Variants in DSCAML1 observed in about 807,000 individuals in gnomAD.
The protein encoded by DSCAML1 is cell adhesion molecule DSCAML1.
A neutral mutation model predicts 200.5 loss-of-function variants in DSCAML1; 38 were observed. That is an observed-to-expected ratio of 0.19 (90% CI 0.15 to 0.25). The LOEUF is 0.25. Among genes scored for constraint, DSCAML1 ranks in the 10% least tolerant of loss-of-function variants. The pLI, the probability that DSCAML1 is intolerant of heterozygous loss-of-function variation, is 1.00. For synonymous variants in DSCAML1, 1,215 were observed against 1,165.0 expected (o/e 1.04, Z -0.87); for missense variants, 2,223 against 2,858.8 (o/e 0.78, Z 5.07).
chr11:117,665,185 T>C (rs1014747176), intron 3 of DSCAML1, among the ~76,000 whole-genome samples: 6 of 152,342 alleles, frequency 3.9e-5, no homozygotes, highest in Middle Eastern at 3.4e-3. Flanking sequence ...CTTGTTCATG[T>C]GGGCCCAGTC....
rs139114102 is a variant in DSCAML1 at position 117,500,450 on chromosome 11, G to C, written c.2359+3395C>G. On this transcript the variant is annotated intron_variant, in intron 11 of 32. Transcript: ENST00000651296. ...CTGCTAGTTATCGAATGTGTATTTT[G>C]TGCCAAATACTGTATTAATTGCTGT... is the stretch of plus-strand genomic sequence containing the variant. Among the ~76,000 whole-genome samples, 667 of 152,282 alleles carry C rather than the reference G, an allele frequency of 4.4e-3. 9 individuals carry two copies. Among genetic ancestry groups the C allele is most frequent in the African/African-American group, 0.015 (640 of 41,534 alleles).
rs776150534 is a variant in DSCAML1 at position 117,482,023 on chromosome 11, G to A, written c.2499C>T (p.Arg833=). The A allele has an allele frequency of 1.1e-5, 18 of 1,614,076 alleles. No homozygotes were observed. Among genetic ancestry groups the A allele is most frequent in the South Asian group, 9.9e-5 (9 of 91,094 alleles). The part of the protein sequence containing the change: ...EKGDTVIDPD[R]VMRYAIATKD... ...TGGTGGCGATGGCATACCGCATGAC[G>A]CGGTCAGGGTCGATGACTGTGTCCC... The change falls in exon 12 of 33, where the codon CGC becomes CGT. Residue 833 remains arginine (R), a synonymous_variant. Coordinates refer to ENST00000651296, the MANE Select transcript of DSCAML1 (RefSeq NM_020693.4).
At chr11:117,560,052 G>A (rs1052354075) in intron 3 of DSCAML1, among the ~76,000 whole-genome samples, 41 of 152,230 alleles carry the variant, frequency 2.7e-4, no homozygotes, top group African/African-American at 8.4e-4. Context: ...TGGGAGGGGT[G>A]GGGGCAGGAT....
rs2048900321 is a variant in DSCAML1 at position 117,480,838 on chromosome 11, T to C, written c.2657-267A>G. ...GATTCCTGTTAGCTGACGGCATTTTTCCCCTTCCAACTTCCCCAGCTTGAC... is the reference window on the plus strand; with the variant it reads ...GATTCCTGTTAGCTGACGGCATTTTCCCCCTTCCAACTTCCCCAGCTTGAC... On this transcript the variant is annotated intron_variant, in intron 13 of 32. Coordinates refer to ENST00000651296, the MANE Select transcript of DSCAML1 (RefSeq NM_020693.4). The surrounding 1 kb of genome is among the most constrained non-coding windows in gnomAD (Gnocchi z 4.1). 6.6e-6 allele frequency among the ~76,000 whole-genome samples: 1 copy of C among 152,076 alleles called. No homozygotes were observed. Among genetic ancestry groups the C allele is most frequent in the South Asian group, 2.1e-4 (1 of 4,818 alleles).
intron 3 of DSCAML1, among the ~76,000 whole-genome samples, chr11:117,564,143 G>A (rs896593498): frequency 2.6e-5 from 4 of 152,198 alleles, no homozygotes; most frequent in Non-Finnish European, 2.9e-5. Context: ...CACTGTATCC[G>A]CAAGAGGGAA....
At chr11:117,499,057 A>C (rs1413294192) in intron 11 of DSCAML1, among the ~76,000 whole-genome samples, 2 of 152,156 alleles carry the variant, frequency 1.3e-5, no homozygotes, top group Non-Finnish European at 2.9e-5. Flanking sequence ...CTCAAAACAC[A>C]GCCAGCCTTC....
At chr11:117,570,051 C>T (rs187672294) in intron 3 of DSCAML1, among the ~76,000 whole-genome samples, 46 of 151,702 alleles carry the variant, frequency 3.0e-4, no homozygotes, top group African/African-American at 9.0e-4. Context: ...AAAGAAGGCA[C>T]GGGAGCCTTT....
chr11:117,702,209 AT>A (rs774075197), intron 3 of DSCAML1, among the ~76,000 whole-genome samples: 53 of 152,116 alleles, frequency 3.5e-4, no homozygotes, highest in Non-Finnish European at 6.8e-4. Context: ...AACGGCCCAC[AT>A]TGCTTTTAGG....
chr11:117,428,779 T>C lies in DSCAML1; in HGVS notation c.5711A>G (p.Tyr1904Cys), dbSNP rs780304542. ...NKSDYCNLPL[Y>C]AKSEAFFRKA... is the part of the protein sequence containing the mutation. ...TCGAAAGAAGGCCTCTGACTTGGCA[T>C]ACAGGGGCAGGTTGCAGTAGTCACC... is the stretch of plus-strand genomic sequence containing the variant. Residue 1904 changes from tyrosine to cysteine, a missense_variant, in exon 33 of 33, where the codon TAT (tyrosine) becomes TGT (cysteine). Around this residue, in one of 7 missense-constraint regions of DSCAML1, gnomAD observed 280 missense variants for 213.4 expected, o/e 1.31. Transcript: ENST00000651296. The C allele has an allele frequency of 1.2e-6, 2 of 1,607,812 alleles. No homozygotes were observed. The highest frequency in any genetic ancestry group is 1.1e-5 in the South Asian group (1 of 89,584).
At chr11:117,696,264 C>A (rs968691566) in intron 3 of DSCAML1, among the ~76,000 whole-genome samples, 1 of 152,146 alleles carries the variant, frequency 6.6e-6, no homozygotes, top group Admixed American at 6.5e-5. Flanking sequence ...GAGCTGGTTC[C>A]CCCCTGGGGG....
At chr11:117,732,704 T>A (rs551582036) in intron 3 of DSCAML1, among the ~76,000 whole-genome samples, 152 of 152,314 alleles carry the variant, frequency 1.0e-3, no homozygotes, top group Non-Finnish European at 1.9e-3. Context: ...GGCCTGCTCT[T>A]ACCTCTCTCC....
At chr11:117,491,797 C>A (rs557609415) in intron 11 of DSCAML1, among the ~76,000 whole-genome samples, 2 of 152,026 alleles carry the variant, frequency 1.3e-5, no homozygotes, top group Non-Finnish European at 2.9e-5. Context: ...AACAAAAAAC[C>A]CCATGAATAT....
intron 3 of DSCAML1, among the ~76,000 whole-genome samples, chr11:117,662,524 C>T (rs1480208606): frequency 6.6e-6 from 1 of 152,202 alleles, no homozygotes; most frequent in Non-Finnish European, 1.5e-5. Context: ...AGAAAAGGCT[C>T]TCTCATGGGT....
chr11:117,515,835 G>A (rs879307976), intron 8 of DSCAML1, among the ~76,000 whole-genome samples: 4 of 151,910 alleles, frequency 2.6e-5, no homozygotes, highest in African/African-American at 7.3e-5. Context: ...GGGCCAGGCT[G>A]GTCTCAAACT....
chr11:117,480,520 A>T lies in DSCAML1; in HGVS notation c.2708T>A (p.Met903Lys). The change falls in exon 14 of 33, where the codon ATG (methionine) becomes AAG (lysine). Residue 903 changes from methionine (M) to lysine (K), a missense_variant. This residue lies in a region of DSCAML1 where 438 missense variants were observed against 629.7 expected (regional missense o/e 0.70). Transcript: ENST00000651296. The surrounding 1 kb of genome is among the most constrained non-coding windows in gnomAD (Gnocchi z 4.1). ...LEIREVKARS[M>K]NLRWTQRFDG... Reference sequence around the variant, plus strand: ...GAATCGCTGGGTCCAGCGCAGGTTCATGCTCCGGGCCTTCACCTCCCGGAT... The same window carrying T: ...GAATCGCTGGGTCCAGCGCAGGTTCTTGCTCCGGGCCTTCACCTCCCGGAT... 1 of 1,597,744 alleles carries T rather than the reference A, an allele frequency of 6.3e-7. No individual in the cohort carries two copies. The highest frequency in any genetic ancestry group is 1.1e-5 in the South Asian group (1 of 88,242).
rs139222421 is a variant in DSCAML1, at chr11:117,506,071, C to G, written c.1784-339G>C. ...TGCTGCTCCTCGGCACCCCTGTACC[C>G]ACCTTCTCATCCCAGTGATGCAGCT... On this transcript the variant is annotated intron_variant, in intron 8 of 32. Transcript: ENST00000651296. 5.1e-4 allele frequency among the ~76,000 whole-genome samples: 78 copies of G among 152,348 alleles called. 1 individual carries two copies. The East Asian group carries it at 0.012, about 23-fold the overall frequency.
In DSCAML1 at chr11:117,813,419, T is replaced by C. The variant is rs369071125; in HGVS notation, c.-250+3971A>G. ...TGCTCTTGTTTACACTGCCGGTTTA[T>C]ACTGTTTCTCCAAGCCATCACAGCT... On this transcript the variant is annotated intron_variant, in intron 1 of 2. Coordinates refer to the DSCAML1 transcript ENST00000525836. Among the ~76,000 whole-genome samples the C allele has an allele frequency of 1.3e-3, 204 of 152,218 alleles. 1 individual carries two copies. The highest frequency in any genetic ancestry group is 2.3e-3 in the Non-Finnish European group (156 of 68,036).
intron 3 of DSCAML1, among the ~76,000 whole-genome samples, chr11:117,765,756 G>C (rs2054885989): frequency 6.6e-6 from 1 of 152,176 alleles, no homozygotes; most frequent in Non-Finnish European, 1.5e-5. Flanking sequence ...CCTCACAACT[G>C]AAAAAAGTGC....
At chr11:117,587,219 G>GT (rs1001913787) in intron 3 of DSCAML1, among the ~76,000 whole-genome samples, 2 of 150,612 alleles carry the variant, frequency 1.3e-5, no homozygotes, top group African/African-American at 4.9e-5. Context: ...AACGAACAGG[G>GT]TGTTGTGATT....
Sources: allele counts gnomAD v4.1 joint callset (sites outside exome capture counted in the v4.1 genomes callset), GRCh38; gene constraint gnomAD v4.1.1; regional missense constraint gnomAD v4.1.1; non-coding constraint Gnocchi (gnomAD v3.1); transcripts MANE v1.5; gene names NCBI Gene and HGNC (gene_info 2026-07-23, HGNC 2026-07-21).